The following ZC4H2 variants were observed in gnomAD, a reference collection of about 807,000 sequenced individuals.
The protein encoded by ZC4H2 is zinc finger C4H2-type containing, also known as zinc finger C4H2 domain-containing protein.
For synonymous variants in ZC4H2, 84 were observed against 66.3 expected (o/e 1.27, Z -1.30); for missense variants, 137 against 173.9 (o/e 0.79, Z 1.19).
At position 64,919,158 on chromosome X, in the gene ZC4H2, G is replaced by C; in HGVS notation, c.445C>G (p.Pro149Ala). 1 of 1,210,592 alleles carries C rather than the reference G, an allele frequency of 8.3e-7. No individual in the cohort carries two copies. Among genetic ancestry groups the C allele is most frequent in the Non-Finnish European group, 1.1e-6 (1 of 894,883 alleles). Reference sequence around the variant, plus strand: ...GCGGCCAGGGACTCAGGGATGGGGGGCTCCTGAGGTTCTGTCTGCCATTCT... The same window carrying C: ...GCGGCCAGGGACTCAGGGATGGGGGCCTCCTGAGGTTCTGTCTGCCATTCT... ...KAEWQTEPQE[P>A]PIPESLAAAA... Residue 149 changes from proline (P) to alanine (A), a missense_variant, in exon 4 of 5, where the codon CCC (proline) becomes GCC (alanine). Pro to Ala is a conservative substitution (Grantham distance 27). Transcript: ENST00000374839.
chrX:64,982,512 A>C (rs1932102541), intron 1 of ZC4H2, among the ~76,000 whole-genome samples: 1 of 112,610 alleles, frequency 8.9e-6, no homozygotes, highest in Non-Finnish European at 1.9e-5. Context: ...TCTTAGAGTC[A>C]TTTGGAGAAC....
chrX:64,929,274 T>G (rs1353264628), intron 1 of ZC4H2, among the ~76,000 whole-genome samples: 2 of 111,417 alleles, frequency 1.8e-5, no homozygotes, highest in South Asian at 3.8e-4. Context: ...GTATTAGTCC[T>G]TTGTCAGATG....
intron 1 of ZC4H2, among the ~76,000 whole-genome samples, chrX:65,012,525 A>C (rs759702898): frequency 9.0e-6 from 1 of 111,500 alleles, no homozygotes; most frequent in South Asian, 3.8e-4. Context: ...CTTGTACTAC[A>C]TAATCTTACT....
rs745536507 is a variant in ZC4H2, at chrX:65,020,667, A to G, written c.-272+13962T>C. Among the ~76,000 whole-genome samples, 41 of 111,947 alleles carry G rather than the reference A, an allele frequency of 3.7e-4. 1 individual carries two copies. Among genetic ancestry groups the G allele is most frequent in the African/African-American group, 1.1e-3 (35 of 30,791 alleles). ...AAGCAGCTACCATAATGACAGGATCAAATTCAAAGATAACAATATTAACCT... is the reference window on the plus strand; with the variant it reads ...AAGCAGCTACCATAATGACAGGATCGAATTCAAAGATAACAATATTAACCT... On this transcript the variant is annotated intron_variant, in intron 1 of 4. Transcript: ENST00000337990.
chrX:64,988,631 C>A (rs1372394686), intron 1 of ZC4H2, among the ~76,000 whole-genome samples: 2 of 109,577 alleles, frequency 1.8e-5, no homozygotes, highest in Admixed American at 9.7e-5. Context: ...TGGATATTAG[C>A]CCTTGAGTAG....
intron 1 of ZC4H2, among the ~76,000 whole-genome samples, chrX:64,955,958 G>A (rs762035164): frequency 1.8e-5 from 2 of 111,672 alleles, no homozygotes; most frequent in South Asian, 7.5e-4. Flanking sequence ...TTATGAGGAG[G>A]CCTTTACTCT....
chrX:64,922,160 C>T, intron 1 of ZC4H2, 172 bp from the exon 2 acceptor site: 1 of 1,054,843 alleles, frequency 9.5e-7, no homozygotes, highest in South Asian at 2.7e-5. Context: ...CCAGTAATCT[C>T]AGCAATTTGG....
chrX:65,029,732 C>A (rs1243397606), intron 1 of ZC4H2, among the ~76,000 whole-genome samples: 1 of 111,194 alleles, frequency 9.0e-6, no homozygotes, highest in Non-Finnish European at 1.9e-5. Context: ...GGAGCAGATG[C>A]AGATTGTAGG....
chrX:65,018,419 C>G (rs1223094021), intron 1 of ZC4H2, among the ~76,000 whole-genome samples: 1 of 112,134 alleles, frequency 8.9e-6, no homozygotes, highest in Non-Finnish European at 1.9e-5. Flanking sequence ...ACCTGGGAAG[C>G]ACAAAGGGTT....
intron 1 of ZC4H2, among the ~76,000 whole-genome samples, chrX:64,949,683 T>G (rs767882826): frequency 8.9e-6 from 1 of 111,791 alleles, no homozygotes; most frequent in Admixed American, 9.5e-5. Context: ...TCTGTGGGAT[T>G]GGTGGTGATA....
chrX:64,957,641 C>T (rs1234264917), intron 1 of ZC4H2, among the ~76,000 whole-genome samples: 7 of 110,262 alleles, frequency 6.3e-5, no homozygotes, highest in African/African-American at 2.3e-4. Context: ...AGGAGGATCG[C>T]TTGAGGCCAG....
intron 1 of ZC4H2, among the ~76,000 whole-genome samples, chrX:64,942,651 G>T (rs1325157147): frequency 9.0e-6 from 1 of 111,011 alleles, no homozygotes; most frequent in African/African-American, 3.3e-5. Context: ...TCTATGCAAG[G>T]GACATGAACT....
intron 1 of ZC4H2, among the ~76,000 whole-genome samples, chrX:64,950,677 C>CT (rs1930764995): frequency 9.0e-6 from 1 of 110,760 alleles, no homozygotes; most frequent in Non-Finnish European, 1.9e-5. Flanking sequence ...CAATCCCCAC[C>CT]TTTTTTGTTT....
At chrX:64,979,793 A>G (rs1443936302), upstream of ZC4H2, among the ~76,000 whole-genome samples, 2 of 109,879 alleles carry the variant, frequency 1.8e-5, no homozygotes, top group Non-Finnish European at 3.8e-5. Context: ...AGAAGAACTG[A>G]TTGATTTGAG....
intron 1 of ZC4H2, among the ~76,000 whole-genome samples, chrX:64,965,062 G>C (rs1931539779): frequency 9.0e-6 from 1 of 111,723 alleles, no homozygotes; most frequent in African/African-American, 3.2e-5. Context: ...TTAGATCCTA[G>C]AACAGAAATA....
chrX:64,949,326 A>G (rs951092015), intron 1 of ZC4H2, among the ~76,000 whole-genome samples: 2 of 112,214 alleles, frequency 1.8e-5, no homozygotes, highest in African/African-American at 6.5e-5. Flanking sequence ...TCTGCCTATC[A>G]ATGACTAACA....
intron 1 of ZC4H2, among the ~76,000 whole-genome samples, chrX:64,963,894 T>C (rs1931491695): frequency 9.0e-6 from 1 of 111,509 alleles, no homozygotes; most frequent in Non-Finnish European, 1.9e-5. Flanking sequence ...TCCTACAATA[T>C]GAGATAACAT....
In ZC4H2 at chrX:64,919,082, C is replaced by T. The variant is rs771739567; in HGVS notation, c.521G>A (p.Arg174Gln). The T allele has an allele frequency of 3.4e-6, 4 of 1,187,041 alleles. No homozygotes were observed. Among genetic ancestry groups the T allele is most frequent in the East Asian group, 3.0e-5 (1 of 33,230 alleles). ...CTGCTGCCTGAAGGTGGCCGTCTGC[C>T]GAGTATCCTGCTTCCTAGCCACTTG... ...QLQVARKQDT[R>Q]QTATFRQQPP... is the part of the protein sequence containing the mutation. Residue 174 changes from arginine (R) to glutamine (Q), a missense_variant, in exon 4 of 5, where the codon CGG becomes CAG. Physicochemically the swap from Arg to Gln is conservative, Grantham distance 43 (BLOSUM62 1). Transcript: ENST00000374839.
At chrX:64,948,498 G>C (rs1180806853) in intron 1 of ZC4H2, among the ~76,000 whole-genome samples, 2 of 111,622 alleles carry the variant, frequency 1.8e-5, no homozygotes, top group South Asian at 3.7e-4. Flanking sequence ...CAATATTTTA[G>C]GTACAAATTT....
Sources: allele counts gnomAD v4.1 joint callset (sites outside exome capture counted in the v4.1 genomes callset), GRCh38; gene constraint gnomAD v4.1.1; transcripts MANE v1.5; gene names NCBI Gene and HGNC (gene_info 2026-07-23, HGNC 2026-07-21).